The following DPP8 variants were observed in gnomAD, a reference collection of about 807,000 sequenced individuals.
The protein encoded by DPP8 is DPP VIII.
In DPP8, 31 loss-of-function variants were observed where a neutral mutation model predicts 107.5. The ratio of observed to expected loss-of-function variants is 0.29; its 90% CI spans 0.22 to 0.39. DPP8 has a LOEUF of 0.39. DPP8 is among the 10% of genes least tolerant of loss of function. The pLI, the probability that DPP8 is intolerant of heterozygous loss-of-function variation, is 1.00. For synonymous variants in DPP8, 381 were observed against 356.6 expected, an observed-to-expected ratio of 1.07 and a Z score of -0.77; for missense variants, 842 against 1,076.1, an observed-to-expected ratio of 0.78 and a Z score of 3.04.
At position 65,451,049 on chromosome 15, in the gene DPP8, T is replaced by C; in HGVS notation, c.2476A>G (p.Ser826Gly). 6.2e-7 allele frequency: 1 copy of C among 1,612,888 alleles called. No individual in the cohort carries two copies. Among genetic ancestry groups the C allele is most frequent in the Non-Finnish European group, 8.5e-7 (1 of 1,179,266 alleles). ...CTCACTAAAAAACTCAGTAATATAC[T>C]GGTATGTGCAAAATGGACATTCTCA... ...LDENVHFAHTSILLSFLVRAG... is the reference protein window; with the variant it reads ...LDENVHFAHTGILLSFLVRAG... The change falls in exon 19 of 20, where the codon AGT becomes GGT. Residue 826 changes from serine (S) to glycine (G), a missense_variant. Transcript: ENST00000300141.
chr15:65,451,439 T>C (rs1199357980), intron 18 of DPP8, among the ~76,000 whole-genome samples: 1 of 152,198 alleles, frequency 6.6e-6, no homozygotes, highest in Admixed American at 6.5e-5. Context: ...ACTTAACTTT[T>C]TTCAGCAAAA....
chr15:65,474,395 G>A (rs1355953047), intron 11 of DPP8, 107 bp from the exon 12 acceptor site: 1 of 791,994 alleles, frequency 1.3e-6, no homozygotes, highest in Non-Finnish European at 2.1e-6. Context: ...TTATGTTTGG[G>A]GTAATAAAAA....
intron 7 of DPP8, among the ~76,000 whole-genome samples, chr15:65,487,089 G>GA (rs1392867521): frequency 1.3e-5 from 2 of 151,316 alleles, no homozygotes; most frequent in Non-Finnish European, 3.0e-5. Flanking sequence ...AAGCAAAATG[G>GA]AAAAAAATCA....
chr15:65,512,477 G>A lies in DPP8; in HGVS notation c.77C>T (p.Ser26Leu), dbSNP rs762630639. The change falls in exon 2 of 20, where the codon TCA becomes TTA. Residue 26 changes from serine to leucine, a missense_variant. Ser to Leu is a moderately radical substitution (Grantham distance 145). This residue lies in a region of DPP8 where 663 missense variants were observed against 758.0 expected (regional missense o/e 0.87). Coordinates refer to ENST00000300141, the MANE Select transcript of DPP8 (RefSeq NM_130434.5). Reference protein sequence around the residue: ...ETADCEENIESQDRPKLEPFY... With the variant: ...ETADCEENIELQDRPKLEPFY... ...AGGCTCCAATTTAGGCCGATCCTGTGATTCAATATTCTCCTCACAGTCCGC... is the reference window on the plus strand; with the variant it reads ...AGGCTCCAATTTAGGCCGATCCTGTAATTCAATATTCTCCTCACAGTCCGC... 6.2e-6 allele frequency: 10 copies of A among 1,614,014 alleles called. No individual in the cohort carries two copies. In the Admixed American group the frequency reaches 1.5e-4, roughly 24 times the overall value.
chr15:65,513,063 C>G, intron 1 of DPP8, among the ~76,000 whole-genome samples: 1 of 152,286 alleles, frequency 6.6e-6, no homozygotes, highest in Non-Finnish European at 1.5e-5. Flanking sequence ...TCAAAAATAA[C>G]GTGCATGTAA....
At chr15:65,515,722 T>A (rs778793633) in intron 1 of DPP8, 1 of 1,610,616 alleles carries the variant, frequency 6.2e-7, no homozygotes, top group Admixed American at 1.7e-5. Flanking sequence ...GTGACTCGAC[T>A]TCAAGCATAG....
At chr15:65,504,732 A>C (rs2069738565) in intron 3 of DPP8, among the ~76,000 whole-genome samples, 1 of 150,648 alleles carries the variant, frequency 6.6e-6, no homozygotes, top group Admixed American at 6.6e-5. Flanking sequence ...CTATTATCCT[A>C]GCACTTTGGA....
At chr15:65,455,582 T>C in intron 16 of DPP8, 3 of 923,780 alleles carry the variant, frequency 3.2e-6, no homozygotes, top group Non-Finnish European at 4.2e-6. Context: ...CTTGTCTATA[T>C]TACTAGGCCT....
Position 65,466,745 on chromosome 15 carries a change from T to C in DPP8, c.1758A>G (p.Leu586=), listed in dbSNP as rs957031398. The C allele has an allele frequency of 1.9e-6, 3 of 1,614,020 alleles. No homozygotes were observed. Among genetic ancestry groups the C allele is most frequent in the Non-Finnish European group, 2.5e-6 (3 of 1,179,906 alleles). The part of the protein sequence containing the change: ...KNPHCVSLYK[L]SSPEDDPTCK... ...AAGTTGGGTCATCTTCAGGACTTGA[T>C]AGCTTGTAAAGGGACACACAGTGTG... Residue 586 remains leucine (L), a synonymous_variant, in exon 14 of 20, where the codon CTA becomes CTG. Coordinates refer to ENST00000300141, the MANE Select transcript of DPP8 (RefSeq NM_130434.5).
chr15:65,479,147 C>T, intron 10 of DPP8, 108 bp from the exon 11 acceptor site: 1 of 698,060 alleles, frequency 1.4e-6, no homozygotes, highest in East Asian at 3.4e-5. Context: ...ATATAAATAA[C>T]CATCAATGCC....
intron 3 of DPP8, among the ~76,000 whole-genome samples, chr15:65,506,029 C>T: frequency 6.8e-6 from 1 of 148,048 alleles, no homozygotes; most frequent in East Asian, 2.0e-4. Flanking sequence ...TCATGTTATT[C>T]AATTAAGAAA....
At chr15:65,487,602 T>C (rs563069463) in intron 7 of DPP8, 88 bp downstream of exon 7, 766 of 1,291,524 alleles carry the variant, frequency 5.9e-4, no homozygotes, top group Non-Finnish European at 7.8e-4. Flanking sequence ...ATGACCAATG[T>C]TGTTGGCTAC....
chr15:65,497,845 C>G lies in DPP8; in HGVS notation c.715+19G>C. The G allele has an allele frequency of 1.4e-6, 2 of 1,428,170 alleles. No individual in the cohort carries two copies. The highest frequency in any genetic ancestry group is 5.0e-5 in the East Asian group (2 of 40,182). The allele number at this position is 1,428,170 out of a possible 1,614,324, so 88.5% of individuals were successfully genotyped here. On this transcript the variant is annotated intron_variant, in intron 5 of 19. Transcript: ENST00000300141. ...AAAAATACTGTTCAGAAAAGTAAAT[C>G]TGAAGAACTACGCCTTACCATTGTG...
At chr15:65,496,058 A>G (rs1376025613) in intron 5 of DPP8, among the ~76,000 whole-genome samples, 2 of 150,800 alleles carry the variant, frequency 1.3e-5, no homozygotes, top group African/African-American at 4.9e-5. Context: ...ATCTCAGCTC[A>G]CTGGAAGCTC....
chr15:65,482,036 A>G (rs1455068862), intron 8 of DPP8, among the ~76,000 whole-genome samples: 1 of 151,592 alleles, frequency 6.6e-6, no homozygotes, highest in Non-Finnish European at 1.5e-5. Flanking sequence ...GTGTGTGTAT[A>G]TATATATATT....
intron 4 of DPP8, among the ~76,000 whole-genome samples, chr15:65,500,304 G>GCTA (rs2140992125): frequency 1.3e-5 from 2 of 152,080 alleles, no homozygotes; most frequent in South Asian, 4.2e-4. Context: ...TGTAGTCCCA[G>GCTA]CTACTTGGGA....
intron 2 of DPP8, among the ~76,000 whole-genome samples, chr15:65,510,150 A>C (rs1035713961): frequency 2.0e-5 from 3 of 150,734 alleles, no homozygotes; most frequent in Non-Finnish European, 4.4e-5. Context: ...CCGTCTCTAC[A>C]AAAAAAAATA....
At chr15:65,491,166 A>G (rs1287535847) in intron 5 of DPP8, among the ~76,000 whole-genome samples, 1 of 151,428 alleles carries the variant, frequency 6.6e-6, no homozygotes, top group Non-Finnish European at 1.5e-5. Flanking sequence ...GTCTCAAAAA[A>G]AAAAAAAAAA....
At chr15:65,512,271 CA>C in intron 2 of DPP8, 23 bp downstream of exon 2, 1 of 1,578,392 alleles carries the variant, frequency 6.3e-7, no homozygotes, top group Non-Finnish European at 8.6e-7. Flanking sequence ...CATTTTCTCT[CA>C]GAAACTACAA....
Sources: allele counts gnomAD v4.1 joint callset (sites outside exome capture counted in the v4.1 genomes callset), GRCh38; gene constraint gnomAD v4.1.1; regional missense constraint gnomAD v4.1.1; transcripts MANE v1.5; gene names NCBI Gene and HGNC (gene_info 2026-07-23, HGNC 2026-07-21).